Variants in LPP observed in about 807,000 individuals in gnomAD.
LPP encodes LIM domain containing preferred translocation partner in lipoma.
In LPP, 38 loss-of-function variants were observed where a neutral mutation model predicts 60.4. The observed-to-expected ratio is 0.63, with a 90% CI of 0.49 to 0.83. The LOEUF (loss-of-function observed/expected upper bound fraction) is 0.83, where lower values mean the gene tolerates loss of function less well. LPP is among the 40% of genes least tolerant of loss of function. The pLI is 0.00. For synonymous variants in LPP, 328 were observed against 290.8 expected (o/e 1.13, Z -1.30); for missense variants, 902 against 783.6 (o/e 1.15, Z -1.80).
At chr3:188,647,453 C>T (rs1260646541) in intron 7 of LPP, among the ~76,000 whole-genome samples, 1 of 152,272 alleles carries the variant, frequency 6.6e-6, no homozygotes, top group Admixed American at 6.5e-5. Context: ...TCCTTTTCTC[C>T]TGCCCTCTCT....
intron 3 of LPP, among the ~76,000 whole-genome samples, chr3:188,342,200 C>G (rs1763238152): frequency 6.6e-6 from 1 of 152,134 alleles, no homozygotes. Flanking sequence ...AGCTGCCAAA[C>G]AAAATCATCT....
intron 2 of LPP, among the ~76,000 whole-genome samples, chr3:188,273,358 A>G (rs1738473488): frequency 6.6e-6 from 1 of 152,128 alleles, no homozygotes; most frequent in Admixed American, 6.6e-5. Flanking sequence ...GTGTACTTTC[A>G]CTTATTTAAG....
At chr3:188,602,119 C>CATAT (rs745894414) in intron 6 of LPP, among the ~76,000 whole-genome samples, 1 of 125,414 alleles carries the variant, frequency 8.0e-6, no homozygotes, top group Admixed American at 7.9e-5. Flanking sequence ...CACACACACA[C>CATAT]ATATATATAG....
chr3:188,328,615 G>A (rs541554232), intron 2 of LPP, among the ~76,000 whole-genome samples: 3 of 152,240 alleles, frequency 2.0e-5, no homozygotes, highest in Admixed American at 6.5e-5. Context: ...GTCAGTCATT[G>A]TTTCAAATAA....
intron 2 of LPP, among the ~76,000 whole-genome samples, chr3:188,291,863 A>T (rs1746101631): frequency 6.6e-6 from 1 of 152,116 alleles, no homozygotes; most frequent in Non-Finnish European, 1.5e-5. Flanking sequence ...GCAGTTCTGG[A>T]TGCAAACCCA....
At chr3:188,564,176 A>T (rs945423008) in intron 6 of LPP, among the ~76,000 whole-genome samples, 1 of 152,130 alleles carries the variant, frequency 6.6e-6, no homozygotes, top group African/African-American at 2.4e-5. Context: ...TGAATTCTCT[A>T]TACTGATTCT....
intron 2 of LPP, among the ~76,000 whole-genome samples, chr3:188,283,775 C>T (rs1162899260): frequency 7.2e-5 from 11 of 151,966 alleles, no homozygotes; most frequent in South Asian, 2.1e-4. Context: ...GTCAGGAGTT[C>T]GAGACTAGCC....
At chr3:188,323,781 G>T (rs1317560152) in intron 2 of LPP, among the ~76,000 whole-genome samples, 1 of 152,208 alleles carries the variant, frequency 6.6e-6, no homozygotes, top group Non-Finnish European at 1.5e-5. Flanking sequence ...GAGGGTGAAT[G>T]CCCCAAGTGG....
intron 9 of LPP, among the ~76,000 whole-genome samples, chr3:188,800,820 C>G (rs533907182): frequency 2.9e-4 from 44 of 152,244 alleles, no homozygotes; most frequent in Non-Finnish European, 5.3e-4. Flanking sequence ...ATTTTCTATG[C>G]TTAGTAACTG....
chr3:188,679,642 C>T (rs558412367), intron 7 of LPP, among the ~76,000 whole-genome samples: 1 of 152,012 alleles, frequency 6.6e-6, no homozygotes, highest in South Asian at 2.1e-4. Context: ...CTCAGGAATA[C>T]ATTACATGGA....
intron 6 of LPP, among the ~76,000 whole-genome samples, chr3:188,561,326 G>A (rs890987675): frequency 6.6e-6 from 1 of 152,040 alleles, no homozygotes; most frequent in African/African-American, 2.4e-5. Context: ...TGATACTTGA[G>A]TGTGTATTGT....
At chr3:188,374,301 T>C (rs188845974) in intron 3 of LPP, among the ~76,000 whole-genome samples, 1 of 152,150 alleles carries the variant, frequency 6.6e-6, no homozygotes, top group East Asian at 1.9e-4. Flanking sequence ...CCTTTGGCAG[T>C]ATGGCCATTT....
intron 6 of LPP, among the ~76,000 whole-genome samples, chr3:188,569,529 T>C (rs911411669): frequency 4.6e-5 from 7 of 152,046 alleles, no homozygotes; most frequent in Admixed American, 4.6e-4. Context: ...TATAATTAAA[T>C]AAAAGATATG....
intron 9 of LPP, among the ~76,000 whole-genome samples, chr3:188,771,439 C>T (rs546827582): frequency 6.6e-6 from 1 of 150,992 alleles, no homozygotes; most frequent in East Asian, 2.0e-4. Context: ...ATCCCAGCTA[C>T]TCGGGAGGCT....
intron 3 of LPP, among the ~76,000 whole-genome samples, chr3:188,348,441 C>T (rs576910947): frequency 2.0e-5 from 3 of 152,226 alleles, no homozygotes; most frequent in Admixed American, 6.5e-5. Context: ...AGCCACCGTG[C>T]GTGGCTGAAA....
chr3:188,288,818 A>ACCC (rs1553851075), intron 2 of LPP, among the ~76,000 whole-genome samples: 4 of 27,092 alleles, frequency 1.5e-4, no homozygotes, highest in African/African-American at 4.0e-4. Flanking sequence ...TCCACCCCCC[A>ACCC]CCCCCCACCC....
chr3:188,237,108 G>A (rs574297660), intron 2 of LPP, among the ~76,000 whole-genome samples: 52 of 152,168 alleles, frequency 3.4e-4, no homozygotes, highest in Non-Finnish European at 6.5e-4. Context: ...GATGCTCACA[G>A]CATCTTCACC....
chr3:188,227,614 C>A (rs1577394292), intron 2 of LPP, among the ~76,000 whole-genome samples: 1 of 152,066 alleles, frequency 6.6e-6, no homozygotes, highest in Non-Finnish European at 1.5e-5. Flanking sequence ...GTGCAGAGGT[C>A]ATGTGAGCCT....
At chr3:188,656,340 C>T (rs1249112542) in intron 7 of LPP, among the ~76,000 whole-genome samples, 2 of 152,128 alleles carry the variant, frequency 1.3e-5, no homozygotes, top group Non-Finnish European at 2.9e-5. Flanking sequence ...CAAATATTGG[C>T]TGCCTTCAAG....
Sources: allele counts gnomAD v4.1 joint callset (sites outside exome capture counted in the v4.1 genomes callset), GRCh38; gene constraint gnomAD v4.1.1; transcripts MANE v1.5; gene names NCBI Gene and HGNC (gene_info 2026-07-23, HGNC 2026-07-21).